The following TMC3 variants were observed in gnomAD, a reference collection of about 807,000 sequenced individuals.
The protein encoded by TMC3 is transmembrane channel like 3, also known as transmembrane channel-like protein 3.
Under a neutral mutation model 110.6 loss-of-function variants are expected in TMC3, and 98 were observed. The observed-to-expected ratio is 0.89, with a 90% CI of 0.75 to 1.05. TMC3 has a LOEUF of 1.05. Ranked by LOEUF, TMC3 falls within the 50% of genes least tolerant of loss-of-function variation. The pLI, the probability that TMC3 is intolerant of heterozygous loss-of-function variation, is 0.00. For synonymous variants in TMC3, 489 were observed against 513.1 expected, an observed-to-expected ratio of 0.95 and a Z score of 0.63; for missense variants, 1,319 against 1,373.2, an observed-to-expected ratio of 0.96 and a Z score of 0.62.
chr15:81,334,801 T>C lies in TMC3; in HGVS notation c.2378A>G (p.Gln793Arg). ...RIETVAQSMP[Q>R]SPRPGDRAPS... ...AGCCCTGTCCCCTGGCCTCGGGCTC[T>C]GGGGCATGGACTGTGCGACTGTCTC... Residue 793 changes from glutamine (Q) to arginine (R), a missense_variant, in exon 21 of 22, where the codon CAG (glutamine) becomes CGG (arginine). Transcript: ENST00000359440. The C allele has an allele frequency of 6.2e-7, 1 of 1,614,020 alleles. No homozygotes were observed. The highest frequency in any genetic ancestry group is 8.5e-7 in the Non-Finnish European group (1 of 1,179,888).
rs1251499661 is a variant in TMC3, at chr15:81,337,931, C to G, written c.2082-7G>C. 1.2e-6 allele frequency: 2 copies of G among 1,610,840 alleles called. No homozygotes were observed. Among genetic ancestry groups the G allele is most frequent in the East Asian group, 2.2e-5 (1 of 44,866 alleles). On this transcript the variant is annotated splice_region_variant and splice_polypyrimidine_tract_variant and intron_variant, in intron 18 of 21. Coordinates refer to ENST00000359440, the MANE Select transcript of TMC3 (RefSeq NM_001080532.3). ...GAGATAATAGATGAGCATGCTAGGA[C>G]AGAACAACACAGGACAATGAGTGGA...
chr15:81,355,837 T>C, intron 8 of TMC3, 69 bp from the exon 9 acceptor site: 6 of 1,095,862 alleles, frequency 5.5e-6, no homozygotes, highest in Non-Finnish European at 8.2e-6. Flanking sequence ...TAGAAATAAT[T>C]TACCCAGTAA....
chr15:81,346,295 C>G, intron 12 of TMC3, 70 bp downstream of exon 12: 1 of 1,348,024 alleles, frequency 7.4e-7, no homozygotes, highest in Non-Finnish European at 1.1e-6. Context: ...ACGATGATGA[C>G]CCTGGTGTTG....
At chr15:81,355,860 C>T (rs1381120642) in intron 8 of TMC3, 92 bp from the exon 9 acceptor site, 1 of 787,640 alleles carries the variant, frequency 1.3e-6, no homozygotes, top group East Asian at 2.6e-5. Flanking sequence ...TAGCTCATAC[C>T]TTCATTGTCT....
intron 15 of TMC3, among the ~76,000 whole-genome samples, chr15:81,341,936 G>T (rs565101063): frequency 6.6e-6 from 1 of 152,162 alleles, no homozygotes; most frequent in East Asian, 1.9e-4. Flanking sequence ...GCTGGATATG[G>T]CATTAAGCAT....
In TMC3 at chr15:81,332,812, A is replaced by T; in HGVS notation, c.2910T>A (p.Pro970=). 1 of 1,611,832 alleles carries T rather than the reference A, an allele frequency of 6.2e-7. No individual in the cohort carries two copies. The change falls in exon 22 of 22, where the codon CCT becomes CCA. Residue 970 remains proline (P), a synonymous_variant. Transcript: ENST00000359440. ...PRSLIDLRRA[P]HFYIGERSES... is the part of the protein sequence containing the mutation. ...CGGACCTCTCCCCAATATAAAAATGAGGAGCCCGACGGAGGTCTATCAGGG... is the reference window on the plus strand; with the variant it reads ...CGGACCTCTCCCCAATATAAAAATGTGGAGCCCGACGGAGGTCTATCAGGG...
At chr15:81,356,248 G>A (rs1414899423) in intron 8 of TMC3, among the ~76,000 whole-genome samples, 199 bp downstream of exon 8, 2 of 152,196 alleles carry the variant, frequency 1.3e-5, no homozygotes, top group African/African-American at 4.8e-5. Flanking sequence ...AAAGAAAGGA[G>A]TTTCAAAATG....
chr15:81,338,229 A>G (rs530947434), intron 18 of TMC3, among the ~76,000 whole-genome samples: 1 of 152,326 alleles, frequency 6.6e-6, no homozygotes, highest in East Asian at 1.9e-4. Flanking sequence ...CTATCAAGCT[A>G]TGAGTACAGG....
chr15:81,369,770 A>T lies in TMC3; in HGVS notation c.237-1442T>A, dbSNP rs202199341. Among the ~76,000 whole-genome samples, 39 of 151,966 alleles carry T rather than the reference A, an allele frequency of 2.6e-4. 1 individual carries two copies. Among genetic ancestry groups the T allele is most frequent in the South Asian group, 1.3e-3 (6 of 4,796 alleles). On this transcript the variant is annotated intron_variant, in intron 2 of 21. Transcript: ENST00000359440. Reference sequence around the variant, plus strand: ...GAGATCCCATCTCTACAAAAATATTAAAAAAATTAGCTGGATGTGGTGGCA... The same window carrying T: ...GAGATCCCATCTCTACAAAAATATTTAAAAAATTAGCTGGATGTGGTGGCA...
chr15:81,354,707 T>C (rs977009560), intron 9 of TMC3, among the ~76,000 whole-genome samples: 3 of 152,168 alleles, frequency 2.0e-5, no homozygotes, highest in Non-Finnish European at 4.4e-5. Flanking sequence ...GTATACTATC[T>C]TCTCCATGAA....
chr15:81,359,314 G>T, intron 5 of TMC3, 51 bp downstream of exon 5: 1 of 1,321,388 alleles, frequency 7.6e-7, no homozygotes, highest in Non-Finnish European at 1.1e-6. Flanking sequence ...TTATGCGACT[G>T]CTGTAATGTC....
chr15:81,341,529 G>A lies in TMC3; in HGVS notation c.1716-11C>T, dbSNP rs775658322. ...AAGAAGGCCCCCATCCTGGAACCAT[G>A]AGGAAGGTCAGTTTGCATCTGTTCT... On this transcript the variant is annotated splice_polypyrimidine_tract_variant and intron_variant, in intron 15 of 21. Coordinates refer to ENST00000359440, the MANE Select transcript of TMC3 (RefSeq NM_001080532.3). 1 of 1,607,250 alleles carries A rather than the reference G, an allele frequency of 6.2e-7. No individual in the cohort carries two copies. The highest frequency in any genetic ancestry group is 1.1e-5 in the South Asian group (1 of 89,574).
chr15:81,349,324 A>G, intron 11 of TMC3, 134 bp downstream of exon 11: 2 of 467,538 alleles, frequency 4.3e-6, no homozygotes, highest in South Asian at 9.3e-5. Flanking sequence ...CTTGAGTTGC[A>G]TCCATAGGTA....
intron 10 of TMC3, among the ~76,000 whole-genome samples, chr15:81,350,084 C>CAA (rs57328398): frequency 0.014 from 1,923 of 139,108 alleles, 35 homozygotes; most frequent in African/African-American, 0.046. Flanking sequence ...CCATCTCTAC[C>CAA]AAAAAAAAAA....
Position 81,341,515 on chromosome 15 carries a change from C to T in TMC3, c.1719G>A (p.Met573Ile). 1.9e-6 allele frequency: 3 copies of T among 1,609,280 alleles called. No homozygotes were observed. Among genetic ancestry groups the T allele is most frequent in the Non-Finnish European group, 2.5e-6 (3 of 1,177,654 alleles). The change falls in exon 16 of 22, where the codon ATG (methionine) becomes ATA (isoleucine). Residue 573 changes from methionine to isoleucine, a missense_variant. Met to Ile is a conservative substitution (Grantham distance 10, BLOSUM62 1). Coordinates refer to ENST00000359440, the MANE Select transcript of TMC3 (RefSeq NM_001080532.3). Reference sequence around the variant, plus strand: ...GGAGACATGGGGAGAAGAAGGCCCCCATCCTGGAACCATGAGGAAGGTCAG... The same window carrying T: ...GGAGACATGGGGAGAAGAAGGCCCCTATCCTGGAACCATGAGGAAGGTCAG... ...HLVYNQGMIW[M>I]GAFFSPCLPA...
rs773861753 is a variant in TMC3 at position 81,343,955 on chromosome 15, A to G, written c.1609T>C (p.Leu537=). 6.2e-7 allele frequency: 1 copy of G among 1,613,224 alleles called. No individual in the cohort carries two copies. The highest frequency in any genetic ancestry group is 1.3e-5 in the African/African-American group (1 of 75,044). The part of the protein sequence containing the change: ...DFFRGLFVRY[L]SDYWCWDLES... ...AGATCCCAACACCAGTAGTCACTTA[A>G]GTACCGCACGAAAAGTCCTCGGAAG... is the stretch of plus-strand genomic sequence containing the variant. The change falls in exon 14 of 22, where the codon TTA becomes CTA. Residue 537 remains leucine (L), a synonymous_variant. Transcript: ENST00000359440.
chr15:81,346,533 G>A, intron 11 of TMC3, 90 bp from the exon 12 acceptor site: 2 of 1,294,186 alleles, frequency 1.5e-6, no homozygotes, highest in Non-Finnish European at 1.1e-6. Context: ...AGACTGTCAT[G>A]GATATATTAA....
At position 81,333,206 on chromosome 15, in the gene TMC3, G is replaced by A. The variant is rs1211425256; in HGVS notation, c.2516C>T (p.Thr839Ile). 2 of 1,613,960 alleles carry A rather than the reference G, an allele frequency of 1.2e-6. No homozygotes were observed. Among genetic ancestry groups the A allele is most frequent in the Non-Finnish European group, 1.7e-6 (2 of 1,179,868 alleles). Residue 839 changes from threonine to isoleucine, a missense_variant, in exon 22 of 22, where the codon ACA becomes ATA. Transcript: ENST00000359440. ...TSDLHRNRSR[T>I]PMTFTTHIED... ...GATGTGCGTTGTAAATGTCATAGGT[G>A]TGCGCGATCTGTTCCTGTGAAGGTC...
In TMC3 at chr15:81,343,936, C is replaced by T. The variant is rs1348960582; in HGVS notation, c.1628G>A (p.Trp543Ter). 6.2e-7 allele frequency: 1 copy of T among 1,612,552 alleles called. No individual in the cohort carries two copies. Among genetic ancestry groups the T allele is most frequent in the South Asian group, 1.1e-5 (1 of 91,022 alleles). Residue 543 changes from tryptophan to a stop codon, truncating the protein, a stop_gained, in exon 14 of 22, where the codon TGG (tryptophan) becomes TAG (stop). Coordinates refer to ENST00000359440, the MANE Select transcript of TMC3 (RefSeq NM_001080532.3). LOFTEE classifies it high-confidence loss of function. ...ACTTACAAACTTGCTCTCCAGATCC[C>T]AACACCAGTAGTCACTTAAGTACCG... is the stretch of plus-strand genomic sequence containing the variant. ...FVRYLSDYWCWDLESKFPEYG... is the reference protein window; with the variant it reads ...FVRYLSDYWC
Sources: gnomAD v4.1 joint callset for allele counts (sites outside exome capture counted in the v4.1 genomes callset) on GRCh38, gnomAD v4.1.1 for gene constraint, MANE v1.5 for transcripts, NCBI Gene and HGNC (gene_info 2026-07-23, HGNC 2026-07-21) for gene names.